Variants in ATP1A2 observed in about 807,000 individuals in gnomAD.
ATP1A2 encodes ATPase Na+/K+ transporting subunit alpha 2.
ATP1A2 carries 56 observed loss-of-function variants against 113.1 expected under a neutral mutation model. The ratio of observed to expected loss-of-function variants is 0.49; its 90% CI spans 0.40 to 0.62. ATP1A2 has a LOEUF of 0.62. ATP1A2 is among the 20% of genes least tolerant of loss of function. The pLI is 0.00. For synonymous variants in ATP1A2, 490 were observed against 526.8 expected, an observed-to-expected ratio of 0.93 and a Z score of 0.96; for missense variants, 712 against 1,357.8, an observed-to-expected ratio of 0.52 and a Z score of 7.47.
At chr1:160,122,881 A>G (rs1267003282) in intron 3 of ATP1A2, among the ~76,000 whole-genome samples, 1 of 152,172 alleles carries the variant, frequency 6.6e-6, no homozygotes, top group Admixed American at 6.5e-5. Flanking sequence ...AGGAAGAGAG[A>G]TGGGGAAAAA....
At position 160,135,345 on chromosome 1, in the gene ATP1A2, G is replaced by A. The variant is rs1443488532; in HGVS notation, c.2115+50G>A. 5 of 1,614,092 alleles carry A rather than the reference G, an allele frequency of 3.1e-6. No individual in the cohort carries two copies. Among genetic ancestry groups the A allele is most frequent in the South Asian group, 1.1e-5 (1 of 91,078 alleles). On this transcript the variant is annotated intron_variant, in intron 15 of 22. Transcript: ENST00000361216. This position sits in a 1 kb window ranked among gnomAD's most constrained non-coding sequence, Gnocchi z 6.3. ...TGACAGGCAGGGACCGGGGAGGCAG[G>A]GACAGGGCCAAGACAAGCATGGAGT...
intron 13 of ATP1A2, among the ~76,000 whole-genome samples, chr1:160,133,132 G>A (rs1218384416): frequency 6.6e-6 from 1 of 152,130 alleles, no homozygotes; most frequent in Non-Finnish European, 1.5e-5. Context: ...CTGCCACCCT[G>A]AGAGGCTGGG....
intron 8 of ATP1A2, 187 bp from the exon 9 acceptor site, chr1:160,128,465 A>T (rs1256128460): frequency 6.6e-7 from 1 of 1,522,554 alleles, no homozygotes; most frequent in Non-Finnish European, 8.8e-7. Context: ...TGGGCATTTC[A>T]TCTTAACAGA....
Position 160,136,232 on chromosome 1 carries a change from T to C in ATP1A2, c.2440-15T>C. 6.2e-7 allele frequency: 1 copy of C among 1,614,098 alleles called. No individual in the cohort carries two copies. The highest frequency in any genetic ancestry group is 8.5e-7 in the Non-Finnish European group (1 of 1,179,998). The stretch of plus-strand genomic sequence containing the variant: ...CTTCAAATGCCCTCCCTGCCCCATT[T>C]CCTACCCCACACAGGTCCCTGCCAT... On this transcript the variant is annotated splice_polypyrimidine_tract_variant and intron_variant, in intron 17 of 22. Coordinates refer to ENST00000361216, the MANE Select transcript of ATP1A2 (RefSeq NM_000702.4).
At position 160,121,556 on chromosome 1, in the gene ATP1A2, G is replaced by C. The variant is rs58313172; in HGVS notation, c.177+305G>C. Among the ~76,000 whole-genome samples the C allele has an allele frequency of 2.0e-5, 3 of 152,302 alleles. No individual in the cohort carries two copies. In the East Asian group the frequency reaches 5.8e-4, roughly 29 times the overall value. On this transcript the variant is annotated intron_variant, in intron 3 of 22. Transcript: ENST00000361216. Reference sequence around the variant, plus strand: ...CCCTATACCCCAAGCAACTTCAGTTGCACACAGCCTTCCACAGAGCTGACA... The same window carrying C: ...CCCTATACCCCAAGCAACTTCAGTTCCACACAGCCTTCCACAGAGCTGACA...
At position 160,128,824 on chromosome 1, in the gene ATP1A2, A is replaced by C; in HGVS notation, c.1190A>C (p.Glu397Ala). 6.2e-7 allele frequency: 1 copy of C among 1,614,104 alleles called. No homozygotes were observed. Among genetic ancestry groups the C allele is most frequent in the Non-Finnish European group, 8.5e-7 (1 of 1,180,006 alleles). Residue 397 changes from glutamate to alanine, a missense_variant, in exon 9 of 23, where the codon GAG becomes GCG. Physicochemically the swap from Glu to Ala is moderately radical, Grantham distance 107. Coordinates refer to ENST00000361216, the MANE Select transcript of ATP1A2 (RefSeq NM_000702.4). ...ATGTGGTTCGACAACCAAATCCATG[A>C]GGCTGACACCACCGAAGATCAGTCT... Reference protein sequence around the residue: ...AHMWFDNQIHEADTTEDQSGA... With the variant: ...AHMWFDNQIHAADTTEDQSGA...
intron 20 of ATP1A2, among the ~76,000 whole-genome samples, chr1:160,138,267 C>G (rs1045370258): frequency 6.6e-6 from 1 of 152,178 alleles, no homozygotes; most frequent in African/African-American, 2.4e-5. Flanking sequence ...CTCACCTATG[C>G]GAAGGCAACC....
intron 1 of ATP1A2, among the ~76,000 whole-genome samples, chr1:160,116,122 C>T (rs995749647): frequency 1.3e-5 from 2 of 151,788 alleles, no homozygotes; most frequent in African/African-American, 4.8e-5. Context: ...GCCCACCACA[C>T]ATGCCCCCTC....
Position 160,124,386 on chromosome 1 carries a change from C to T in ATP1A2, c.586C>T (p.Arg196Cys), listed in dbSNP as rs753517155. The T allele has an allele frequency of 9.9e-6, 16 of 1,612,256 alleles. No homozygotes were observed. The highest frequency in any genetic ancestry group is 4.0e-5 in the African/African-American group (3 of 74,806). ...CCTGGTGGAGGTGAAGGGTGGAGAC[C>T]GCGTCCCTGCTGACCTCCGGATCAT... ...GDLVEVKGGDRVPADLRIISS... is the reference protein window; with the variant it reads ...GDLVEVKGGDCVPADLRIISS... The change falls in exon 6 of 23, where the codon CGC becomes TGC. Residue 196 changes from arginine (R) to cysteine (C), a missense_variant. Physicochemically the swap from Arg to Cys is radical, Grantham distance 180. This residue lies in a region of ATP1A2 where 99 missense variants were observed against 180.4 expected (regional missense o/e 0.55). Transcript: ENST00000361216.
chr1:160,135,147 A>C lies in ATP1A2; in HGVS notation c.1967A>C (p.Glu656Ala). 1.2e-6 allele frequency: 2 copies of C among 1,614,110 alleles called. No individual in the cohort carries two copies. Among genetic ancestry groups the C allele is most frequent in the Non-Finnish European group, 1.7e-6 (2 of 1,180,004 alleles). Residue 656 changes from glutamate (E) to alanine (A), a missense_variant and splice_region_variant, in exon 15 of 23, where the codon GAA becomes GCA. By Grantham distance (107) the Glu-to-Ala change is moderately radical. Around this residue, in one of 6 missense-constraint regions of ATP1A2, gnomAD observed 263 missense variants for 380.6 expected, o/e 0.69. Coordinates refer to ENST00000361216, the MANE Select transcript of ATP1A2 (RefSeq NM_000702.4). The surrounding 1 kb of genome is among the most constrained non-coding windows in gnomAD (Gnocchi z 6.3). ...CTCTGTCCCCACCCACCCTCCAGAG[A>C]AGCCAAGGCATGCGTGGTGCACGGC... ...NIPMSQVNPR[E>A]AKACVVHGSD...
Position 160,135,083 on chromosome 1 carries a change from G to C in ATP1A2, c.1965-62G>C. ...GGCTGCGGTGGTGAAGAGAGGCAGG[G>C]GGCAGGAGGGGCTGGTACAGGTGCC... On this transcript the variant is annotated intron_variant, in intron 14 of 22. Transcript: ENST00000361216. This position sits in a 1 kb window ranked among gnomAD's most constrained non-coding sequence, Gnocchi z 6.3. 6.2e-7 allele frequency: 1 copy of C among 1,608,870 alleles called. No homozygotes were observed. Among genetic ancestry groups the C allele is most frequent in the Non-Finnish European group, 8.5e-7 (1 of 1,177,060 alleles).
chr1:160,137,341 T>C (rs897236190), intron 20 of ATP1A2: 3 of 421,228 alleles, frequency 7.1e-6, no homozygotes, highest in Non-Finnish European at 1.3e-5. Flanking sequence ...ATCCAGTGTC[T>C]TCTGTGCCCA....
At position 160,128,682 on chromosome 1, in the gene ATP1A2, G is replaced by T; in HGVS notation, c.1048G>T (p.Ala350Ser). 6.2e-7 allele frequency: 1 copy of T among 1,614,178 alleles called. No homozygotes were observed. Among genetic ancestry groups the T allele is most frequent in the Non-Finnish European group, 8.5e-7 (1 of 1,180,044 alleles). The change falls in exon 9 of 23, where the codon GCA becomes TCA. Residue 350 changes from alanine to serine, a missense_variant. Ala to Ser is a moderately conservative substitution (Grantham distance 99). This residue lies in a region of ATP1A2 where 44 missense variants were observed against 153.1 expected (regional missense o/e 0.29). Coordinates refer to ENST00000361216, the MANE Select transcript of ATP1A2 (RefSeq NM_000702.4). ...VCLTLTAKRM[A>S]RKNCLVKNLE... ...CCTGACCCTGACAGCCAAGCGCATG[G>T]CACGGAAGAACTGCCTGGTGAAGAA...
chr1:160,120,981 C>A lies in ATP1A2; in HGVS notation c.88C>A (p.Leu30Met). ...CAAGAAGAAACAGAAGGAGAAGGAA[C>A]TGGATGAGCTGAAGAAGGAGGTGGC... is the stretch of plus-strand genomic sequence containing the variant. ...GGKKKQKEKE[L>M]DELKKEVAMD... is the part of the protein sequence containing the mutation. The change falls in exon 2 of 23, where the codon CTG (leucine) becomes ATG (methionine). Residue 30 changes from leucine to methionine, a missense_variant. Transcript: ENST00000361216. The A allele has an allele frequency of 6.2e-7, 1 of 1,613,828 alleles. No individual in the cohort carries two copies. Among genetic ancestry groups the A allele is most frequent in the South Asian group, 1.1e-5 (1 of 91,042 alleles).
chr1:160,130,976 G>A (rs2101991138), intron 13 of ATP1A2, among the ~76,000 whole-genome samples: 1 of 152,244 alleles, frequency 6.6e-6, no homozygotes, highest in Non-Finnish European at 1.5e-5. Context: ...GCAGGCTCTT[G>A]TATGCTCCCA....
chr1:160,125,974 G>T (rs1392645004), intron 7 of ATP1A2, among the ~76,000 whole-genome samples: 2 of 152,196 alleles, frequency 1.3e-5, no homozygotes. Context: ...GGAAGAGACA[G>T]AAAGAGGCCT....
At position 160,130,548 on chromosome 1, in the gene ATP1A2, G is replaced by A. The variant is rs1553245178; in HGVS notation, c.1778G>A (p.Arg593Gln). The A allele has an allele frequency of 6.2e-7, 1 of 1,614,156 alleles. No homozygotes were observed. Among genetic ancestry groups the A allele is most frequent in the Non-Finnish European group, 8.5e-7 (1 of 1,180,012 alleles). Residue 593 changes from arginine (R) to glutamine (Q), a missense_variant, in exon 13 of 23, where the codon CGG becomes CAG. Transcript: ENST00000361216. ...VGLMSMIDPPRAAVPDAVGKC... is the reference protein window; with the variant it reads ...VGLMSMIDPPQAAVPDAVGKC... ...CTCATGTCTATGATTGACCCTCCCC[G>A]GGCTGCTGTGCCAGATGCTGTGGGC... is the stretch of plus-strand genomic sequence containing the variant.
Position 160,123,297 on chromosome 1 carries a change from G to C in ATP1A2, c.262G>C (p.Val88Leu). Residue 88 changes from valine (V) to leucine (L), a missense_variant, in exon 4 of 23, where the codon GTC (valine) becomes CTC (leucine). By Grantham distance (32) the Val-to-Leu change is conservative. Around this residue, in one of 6 missense-constraint regions of ATP1A2, gnomAD observed 109 missense variants for 162.3 expected, o/e 0.67. Transcript: ENST00000361216. ...ACCACCTCCCACAACCCCTGAGTGG[G>C]TCAAGTTCTGCCGTCAGCTTTTCGG... ...LTPPPTTPEW[V>L]KFCRQLFGGF... The C allele has an allele frequency of 6.2e-7, 1 of 1,614,236 alleles. No individual in the cohort carries two copies. The highest frequency in any genetic ancestry group is 8.5e-7 in the Non-Finnish European group (1 of 1,180,044).
At position 160,121,346 on chromosome 1, in the gene ATP1A2, T is replaced by C. The variant is rs17846705; in HGVS notation, c.177+95T>C. On this transcript the variant is annotated intron_variant, in intron 3 of 22. Transcript: ENST00000361216. ...GCCTTAAAACTGTAATCCAGCCTTC[T>C]TTACAGATGAGGAAACTGAGGCCCA... is the stretch of plus-strand genomic sequence containing the variant. 162,031 of 1,432,342 alleles carry C rather than the reference T, an allele frequency of 0.11. 10,023 individuals are homozygous for C. Among genetic ancestry groups the C allele is most frequent in the Admixed American group, 0.13 (7,779 of 59,440 alleles). 88.7% of individuals were successfully genotyped at this position (1,432,342 alleles called of 1,614,324 possible).
Sources: allele counts gnomAD v4.1 joint callset (sites outside exome capture counted in the v4.1 genomes callset), GRCh38; gene constraint gnomAD v4.1.1; regional missense constraint gnomAD v4.1.1; non-coding constraint Gnocchi (gnomAD v3.1); transcripts MANE v1.5; gene names NCBI Gene and HGNC (gene_info 2026-07-23, HGNC 2026-07-21).